The following THEMIS variants were observed in gnomAD, a reference collection of about 807,000 sequenced individuals.
THEMIS encodes the protein protein THEMIS.
Under a neutral mutation model 52.6 loss-of-function variants are expected in THEMIS, and 37 were observed. That is an observed-to-expected ratio of 0.70 (90% CI 0.54 to 0.93). The LOEUF (loss-of-function observed/expected upper bound fraction) is 0.93. THEMIS is among the 40% of genes least tolerant of loss of function. The pLI, the probability that THEMIS is intolerant of heterozygous loss-of-function variation, is 0.00. For missense variants in THEMIS, 808 were observed against 763.1 expected, an observed-to-expected ratio of 1.06 and a Z score of -0.69; for synonymous variants, 292 against 272.7, an observed-to-expected ratio of 1.07 and a Z score of -0.70.
At chr6:127,782,064 T>G (rs915976945) in intron 4 of THEMIS, among the ~76,000 whole-genome samples, 1 of 152,178 alleles carries the variant, frequency 6.6e-6, no homozygotes, top group African/African-American at 2.4e-5. Flanking sequence ...CCACCCAGTT[T>G]GAACTTCCCT....
chr6:127,716,294 A>G (rs1349687308), intron 5 of THEMIS, among the ~76,000 whole-genome samples: 4 of 151,924 alleles, frequency 2.6e-5, no homozygotes, highest in African/African-American at 9.7e-5. Flanking sequence ...CTGTTTAGCC[A>G]GGAAGATAAC....
chr6:127,906,735 T>C (rs17055112), intron 1 of THEMIS, among the ~76,000 whole-genome samples: 2,674 of 152,044 alleles, frequency 0.018, 87 homozygotes, highest in African/African-American at 0.06. Flanking sequence ...TTAAAATTTC[T>C]GCTAAAGAAC....
chr6:127,911,056 G>GCAGCTGGT (rs1562335705), intron 1 of THEMIS, among the ~76,000 whole-genome samples: 6 of 151,608 alleles, frequency 4.0e-5, no homozygotes, highest in African/African-American at 1.5e-4. Context: ...TTATGGGTTT[G>GCAGCTGGT]GGGAGGAAGA....
At chr6:127,731,315 C>T (rs1408169278) in intron 4 of THEMIS, among the ~76,000 whole-genome samples, 1 of 151,976 alleles carries the variant, frequency 6.6e-6, no homozygotes, top group South Asian at 2.1e-4. Flanking sequence ...TTCTCCAATG[C>T]ATAAAAAATG....
intron 1 of THEMIS, among the ~76,000 whole-genome samples, chr6:127,913,384 A>T (rs536453826): frequency 3.2e-4 from 49 of 152,130 alleles, no homozygotes; most frequent in African/African-American, 1.2e-3. Flanking sequence ...TGAATTCTAC[A>T]TTTAGGGAAA....
chr6:127,731,772 A>G (rs771448983), intron 4 of THEMIS, among the ~76,000 whole-genome samples: 65 of 136,658 alleles, frequency 4.8e-4, no homozygotes, highest in Non-Finnish European at 8.3e-4. Context: ...ATCTTGGCTC[A>G]CTGCAACCTC....
chr6:127,857,688 T>G (rs1779664164), intron 1 of THEMIS, among the ~76,000 whole-genome samples: 1 of 152,054 alleles, frequency 6.6e-6, no homozygotes, highest in Non-Finnish European at 1.5e-5. Flanking sequence ...ACCTGAGAGC[T>G]TGTTAGAATC....
At chr6:127,718,334 C>T (rs1224790969) in intron 5 of THEMIS, among the ~76,000 whole-genome samples, 1 of 151,812 alleles carries the variant, frequency 6.6e-6, no homozygotes, top group Non-Finnish European at 1.5e-5. Context: ...GTCTCACTTG[C>T]CTAGAACCAC....
At chr6:127,802,013 A>C (rs771626440) in intron 4 of THEMIS, among the ~76,000 whole-genome samples, 1 of 152,204 alleles carries the variant, frequency 6.6e-6, no homozygotes, top group Non-Finnish European at 1.5e-5. Flanking sequence ...GGGCCCACTA[A>C]GTAGGAACTC....
chr6:127,842,189 C>CA (rs1779071279), intron 2 of THEMIS, among the ~76,000 whole-genome samples: 1 of 151,690 alleles, frequency 6.6e-6, no homozygotes, highest in Non-Finnish European at 1.5e-5. Context: ...ATATTTTAAT[C>CA]AAATAAAAAA....
chr6:127,711,438 A>T (rs1243850514), intron 5 of THEMIS, among the ~76,000 whole-genome samples: 2 of 151,858 alleles, frequency 1.3e-5, no homozygotes, highest in Non-Finnish European at 2.9e-5. Flanking sequence ...TAATTTCCCT[A>T]ATCATCTGAA....
intron 4 of THEMIS, among the ~76,000 whole-genome samples, chr6:127,730,022 C>T (rs191869314): frequency 7.9e-5 from 12 of 152,030 alleles, no homozygotes; most frequent in Admixed American, 5.2e-4. Context: ...GTAATCCCTG[C>T]GCTTTGGGAA....
chr6:127,868,450 G>A, intron 1 of THEMIS: 2 of 985,360 alleles, frequency 2.0e-6, no homozygotes, highest in Non-Finnish European at 2.4e-6. Context: ...TGGGGATAAA[G>A]ACACCTTCAA....
chr6:127,853,192 A>C (rs1348481903), intron 2 of THEMIS, among the ~76,000 whole-genome samples: 1 of 151,704 alleles, frequency 6.6e-6, no homozygotes, highest in Non-Finnish European at 1.5e-5. Flanking sequence ...ACAAGTACAC[A>C]AATAGCCTCA....
Position 127,812,276 on chromosome 6 carries a change from T to C in THEMIS, c.1758+607A>G, listed in dbSNP as rs188606658. On this transcript the variant is annotated intron_variant, in intron 4 of 5. Transcript: ENST00000368248. ...GGTTATGGAGTTGTTGATTCTGTAA[T>C]GATTTCATACTGTCTCCAATTTTAT... 3.9e-5 allele frequency among the ~76,000 whole-genome samples: 6 copies of C among 152,334 alleles called. No homozygotes were observed. In the East Asian group the frequency reaches 1.2e-3, roughly 29 times the overall value.
intron 4 of THEMIS, among the ~76,000 whole-genome samples, chr6:127,778,254 A>T (rs975931980): frequency 3.9e-5 from 6 of 152,122 alleles, no homozygotes; most frequent in Non-Finnish European, 8.8e-5. Context: ...CCTTCTGACA[A>T]TCTTCCCTAT....
intron 4 of THEMIS, among the ~76,000 whole-genome samples, chr6:127,784,603 C>T (rs568919870): frequency 6.6e-6 from 1 of 152,260 alleles, no homozygotes; most frequent in African/African-American, 2.4e-5. Context: ...AAACAAAACT[C>T]AGTTCTGTGG....
chr6:127,820,206 A>G (rs1047305330), intron 3 of THEMIS, among the ~76,000 whole-genome samples: 1 of 152,176 alleles, frequency 6.6e-6, no homozygotes, highest in African/African-American at 2.4e-5. Context: ...AAAAGCCTCA[A>G]TTAAAATTAC....
intron 4 of THEMIS, 34 bp from the exon 5 acceptor site, chr6:127,719,857 T>C: frequency 6.2e-7 from 1 of 1,604,552 alleles, no homozygotes; most frequent in Non-Finnish European, 8.5e-7. Context: ...AAATTATCAG[T>C]CCAAAATAAA....
Sources: allele counts gnomAD v4.1 joint callset (sites outside exome capture counted in the v4.1 genomes callset), GRCh38; gene constraint gnomAD v4.1.1; transcripts MANE v1.5; gene names NCBI Gene and HGNC (gene_info 2026-07-23, HGNC 2026-07-21).